Variants in DOCK2 observed in about 807,000 individuals in gnomAD.
DOCK2 encodes the protein dedicator of cytokinesis protein 2.
DOCK2 carries 87 observed loss-of-function variants against 248.9 expected under a neutral mutation model. The observed-to-expected ratio is 0.35, with a 90% CI of 0.29 to 0.42. The LOEUF (loss-of-function observed/expected upper bound fraction) is 0.42. Ranked by LOEUF, DOCK2 falls within the 10% of genes least tolerant of loss-of-function variation. DOCK2 has a pLI of 1.00. For missense variants in DOCK2, 1,747 were observed against 2,300.2 expected, an observed-to-expected ratio of 0.76 and a Z score of 4.92; for synonymous variants, 805 against 821.6, an observed-to-expected ratio of 0.98 and a Z score of 0.35.
chr5:169,989,202 G>A (rs1011072878), intron 29 of DOCK2, among the ~76,000 whole-genome samples: 1 of 152,268 alleles, frequency 6.6e-6, no homozygotes, highest in South Asian at 2.1e-4. Context: ...TGCAGACATA[G>A]TGACACATCT....
chr5:169,708,019 G>A (rs1761370128), intron 14 of DOCK2, 150 bp from the exon 15 acceptor site: 1 of 669,562 alleles, frequency 1.5e-6, no homozygotes, highest in East Asian at 2.7e-5. Flanking sequence ...TAATAGAGAA[G>A]GAGCCATTAT....
chr5:169,813,299 T>C (rs1416472867), intron 26 of DOCK2, among the ~76,000 whole-genome samples: 2 of 152,244 alleles, frequency 1.3e-5, no homozygotes, highest in African/African-American at 4.8e-5. Context: ...CCCGATGAGC[T>C]GGCTCCATTT....
In DOCK2 at chr5:170,056,734, G is replaced by T; in HGVS notation, c.4346G>T (p.Arg1449Leu). 6.2e-7 allele frequency: 1 copy of T among 1,614,034 alleles called. No individual in the cohort carries two copies. Among genetic ancestry groups the T allele is most frequent in the Non-Finnish European group, 8.5e-7 (1 of 1,179,950 alleles). Residue 1449 changes from arginine (R) to leucine (L), a missense_variant, in exon 43 of 52, where the codon CGC (arginine) becomes CTC (leucine). Coordinates refer to ENST00000520908, the MANE Select transcript of DOCK2 (RefSeq NM_004946.3). ...AGGTTCCACTACTCCCGGCCCGTGC[G>T]CAGGGGGACCGTAGACCCAGAGAAT... Reference protein sequence around the residue: ...VQRFHYSRPVRRGTVDPENEF... With the variant: ...VQRFHYSRPVLRGTVDPENEF...
intron 27 of DOCK2, among the ~76,000 whole-genome samples, chr5:169,907,069 G>C (rs183054425): frequency 6.6e-6 from 1 of 152,280 alleles, no homozygotes; most frequent in African/African-American, 2.4e-5. Context: ...TAGGTGAAAA[G>C]ATGCCAAACA....
intron 25 of DOCK2, among the ~76,000 whole-genome samples, chr5:169,802,563 C>A (rs569349284): frequency 6.6e-6 from 1 of 151,800 alleles, no homozygotes; most frequent in Non-Finnish European, 1.5e-5. Flanking sequence ...AGAAAGTGCT[C>A]CAAGAAATAT....
At chr5:169,838,128 T>G (rs1769706437) in intron 26 of DOCK2, among the ~76,000 whole-genome samples, 1 of 152,114 alleles carries the variant, frequency 6.6e-6, no homozygotes. Flanking sequence ...CAAAAGTCAC[T>G]GAAGGAGGTA....
chr5:169,655,320 G>A (rs779858325), intron 2 of DOCK2, among the ~76,000 whole-genome samples: 6 of 152,266 alleles, frequency 3.9e-5, no homozygotes, highest in East Asian at 1.9e-4. Flanking sequence ...CCTGTGTCTC[G>A]GCAGAGTGGT....
At chr5:169,892,682 C>T (rs1326674695) in intron 27 of DOCK2, among the ~76,000 whole-genome samples, 1 of 152,198 alleles carries the variant, frequency 6.6e-6, no homozygotes, top group Non-Finnish European at 1.5e-5. Flanking sequence ...CCTCTACCTC[C>T]TCTTCATTTT....
intron 27 of DOCK2, among the ~76,000 whole-genome samples, chr5:169,889,418 T>G (rs1456925437): frequency 1.3e-5 from 2 of 152,214 alleles, no homozygotes; most frequent in East Asian, 1.9e-4. Flanking sequence ...GAAAAAGACC[T>G]GATCCCTATT....
chr5:169,986,074 G>T (rs1462323845), intron 29 of DOCK2, 152 bp downstream of exon 29: 5 of 663,886 alleles, frequency 7.5e-6, no homozygotes, highest in East Asian at 2.9e-5. Flanking sequence ...CCCAGGGAAG[G>T]ACTCCTCACC....
At chr5:169,666,424 G>T (rs1409349610) in intron 2 of DOCK2, among the ~76,000 whole-genome samples, 2 of 152,154 alleles carry the variant, frequency 1.3e-5, no homozygotes, top group African/African-American at 2.4e-5. Flanking sequence ...TAGCAAAAAA[G>T]CCCTTGTTAT....
intron 27 of DOCK2, among the ~76,000 whole-genome samples, chr5:169,966,525 C>A (rs1777306642): frequency 6.6e-6 from 1 of 152,178 alleles, no homozygotes; most frequent in Non-Finnish European, 1.5e-5. Context: ...GCATTACTTA[C>A]AGAGGCCTGC....
intron 26 of DOCK2, among the ~76,000 whole-genome samples, chr5:169,818,029 A>G (rs978606415): frequency 3.3e-5 from 5 of 152,186 alleles, no homozygotes; most frequent in African/African-American, 1.2e-4. Flanking sequence ...TGGGCTCCCA[A>G]AGTTGTTTAT....
intron 25 of DOCK2, among the ~76,000 whole-genome samples, chr5:169,799,751 AC>A (rs1267149107): frequency 1.3e-5 from 2 of 152,184 alleles, no homozygotes; most frequent in Non-Finnish European, 2.9e-5. Context: ...ATCTTTCTAA[AC>A]AAAGGGTAGT....
chr5:169,741,049 T>C (rs962953516), intron 22 of DOCK2, among the ~76,000 whole-genome samples: 4 of 152,224 alleles, frequency 2.6e-5, no homozygotes, highest in African/African-American at 7.2e-5. Flanking sequence ...GGTCTTGAAC[T>C]CCTAGGCTCA....
At chr5:169,966,674 A>G (rs1777312030) in intron 27 of DOCK2, among the ~76,000 whole-genome samples, 1 of 152,186 alleles carries the variant, frequency 6.6e-6, no homozygotes, top group African/African-American at 2.4e-5. Flanking sequence ...GCACACAGGG[A>G]CAGCAAGTGG....
chr5:169,744,973 G>A (rs554577255), intron 22 of DOCK2, among the ~76,000 whole-genome samples: 4 of 152,310 alleles, frequency 2.6e-5, no homozygotes, highest in South Asian at 2.1e-4. Context: ...AAGCCAGGTC[G>A]GGATGTTAAA....
chr5:169,809,392 C>A (rs1283200697), intron 26 of DOCK2, among the ~76,000 whole-genome samples: 1 of 152,218 alleles, frequency 6.6e-6, no homozygotes, highest in African/African-American at 2.4e-5. Flanking sequence ...AATTTCTCAT[C>A]TTTCTCTGCA....
chr5:169,745,323 A>G (rs1012757754), intron 22 of DOCK2, among the ~76,000 whole-genome samples: 2 of 152,188 alleles, frequency 1.3e-5, no homozygotes, highest in Non-Finnish European at 2.9e-5. Context: ...CTGTTTCCTT[A>G]TCTGTGAAGT....
Sources: gnomAD v4.1 joint callset for allele counts (sites outside exome capture counted in the v4.1 genomes callset) on GRCh38, gnomAD v4.1.1 for gene constraint, MANE v1.5 for transcripts, NCBI Gene and HGNC (gene_info 2026-07-23, HGNC 2026-07-21) for gene names.